SYNE2: variants seen among roughly 807,000 people sequenced by gnomAD.
SYNE2 encodes nesprin-2.
A neutral mutation model predicts 856.3 loss-of-function variants in SYNE2; 431 were observed. The observed-to-expected ratio is 0.50, with a 90% confidence interval of 0.47 to 0.55. The LOEUF is 0.55. Among genes scored for constraint, SYNE2 ranks in the 20% least tolerant of loss-of-function variants. The pLI is 0.00. For missense variants in SYNE2, 8,129 were observed against 8,023.2 expected, an observed-to-expected ratio of 1.01 and a Z score of -0.50; for synonymous variants, 2,923 against 2,872.3, an observed-to-expected ratio of 1.02 and a Z score of -0.56.
At chr14:64,221,232 G>T (rs911371473) in intron 111 of SYNE2, among the ~76,000 whole-genome samples, 1 of 152,140 alleles carries the variant, frequency 6.6e-6, no homozygotes, top group African/African-American at 2.4e-5. Flanking sequence ...AGCCTGTCCT[G>T]TTGGGTTGTT....
At chr14:64,111,276 A>T (rs545295432) in intron 65 of SYNE2, among the ~76,000 whole-genome samples, 46 of 146,706 alleles carry the variant, frequency 3.1e-4, no homozygotes, top group Admixed American at 9.3e-4. Flanking sequence ...GCAGGTGGTA[A>T]ATCTGTGATT....
At chr14:64,127,262 A>G (rs925548510) in intron 73 of SYNE2, among the ~76,000 whole-genome samples, 2 of 149,158 alleles carry the variant, frequency 1.3e-5, no homozygotes, top group Non-Finnish European at 3.0e-5. Context: ...CTCCATCTCA[A>G]AAAAAAAAAG....
At chr14:64,173,716 G>A (rs888953484) in intron 94 of SYNE2, among the ~76,000 whole-genome samples, 14 of 151,874 alleles carry the variant, frequency 9.2e-5, no homozygotes, top group African/African-American at 3.1e-4. Flanking sequence ...AGGCTACCTC[G>A]GCCACCCGAG....
At chr14:64,036,295 T>A (rs1392680364) in intron 45 of SYNE2, among the ~76,000 whole-genome samples, 1 of 152,096 alleles carries the variant, frequency 6.6e-6, no homozygotes, top group Non-Finnish European at 1.5e-5. Flanking sequence ...TCTTTTTGTT[T>A]GTTTGTTTGG....
intron 45 of SYNE2, among the ~76,000 whole-genome samples, chr14:64,042,941 C>A (rs140386034): frequency 6.6e-6 from 1 of 152,086 alleles, no homozygotes; most frequent in African/African-American, 2.4e-5. Flanking sequence ...CAGAAGAAGA[C>A]AGGAAAATGT....
Position 64,120,975 on chromosome 14 carries a change from C to T in SYNE2, c.13072C>T (p.Leu4358Phe), listed in dbSNP as rs1292902897. The T allele has an allele frequency of 6.2e-7, 1 of 1,614,172 alleles. No homozygotes were observed. Among genetic ancestry groups the T allele is most frequent in the Non-Finnish European group, 8.5e-7 (1 of 1,180,016 alleles). The change falls in exon 68 of 116, where the codon CTC becomes TTC. Residue 4358 changes from leucine to phenylalanine, a missense_variant. Around this residue, in one of 3 missense-constraint regions of SYNE2, gnomAD observed 5,410 missense variants for 5,284.8 expected, o/e 1.02. Transcript: ENST00000555002. The stretch of plus-strand genomic sequence containing the variant: ...CTCAGAGCCAGAGCATCAAGAAGCT[C>T]TCCAACCAGTTAACCTTTCTGAATT... ...KSSEPEHQEALQPVNLSELES... is the reference protein window; with the variant it reads ...KSSEPEHQEAFQPVNLSELES...
chr14:63,838,094 G>A (rs1889921584), intron 1 of SYNE2, among the ~76,000 whole-genome samples: 2 of 151,730 alleles, frequency 1.3e-5, no homozygotes, highest in Admixed American at 1.3e-4. Context: ...TAAGGGCTGG[G>A]CACAGTGGCT....
intron 65 of SYNE2, 142 bp from the exon 66 acceptor site, chr14:64,113,199 A>G (rs1453108905): frequency 6.6e-7 from 1 of 1,512,284 alleles, no homozygotes; most frequent in African/African-American, 1.4e-5. Flanking sequence ...ATGAGTGTGG[A>G]GGTGCATTTC....
At chr14:64,138,038 G>C in intron 79 of SYNE2, 55 bp downstream of exon 79, 1 of 1,566,176 alleles carries the variant, frequency 6.4e-7, no homozygotes, top group Non-Finnish European at 8.7e-7. Context: ...GAAAGACCTC[G>C]GGGATTCTGT....
intron 28 of SYNE2, 71 bp downstream of exon 28, chr14:64,000,790 G>T (rs2096748096): frequency 7.3e-7 from 1 of 1,373,518 alleles, no homozygotes; most frequent in Non-Finnish European, 1.0e-6. Context: ...TTTTAAGCAA[G>T]ATTCTTGCTA....
rs376249456 is a variant in SYNE2, at chr14:64,001,940, A to C, written c.3645A>C (p.Glu1215Asp). 5.6e-6 allele frequency: 9 copies of C among 1,613,934 alleles called. No homozygotes were observed. Among genetic ancestry groups the C allele is most frequent in the Non-Finnish European group, 6.8e-6 (8 of 1,180,000 alleles). ...ELQMTLNTRM[E>D]SLETALRLVL... ...TGATTTACCTTGCACCCAGAATGGAATCTTTAGAGACAGCACTGCGGCTTG... is the reference window on the plus strand; with the variant it reads ...TGATTTACCTTGCACCCAGAATGGACTCTTTAGAGACAGCACTGCGGCTTG... Residue 1215 changes from glutamate to aspartate, a missense_variant, in exon 29 of 116, where the codon GAA becomes GAC. Around this residue, in one of 3 missense-constraint regions of SYNE2, gnomAD observed 2,422 missense variants for 2,357.4 expected, o/e 1.03. Coordinates refer to ENST00000555002, the MANE Select transcript of SYNE2 (RefSeq NM_182914.3).
At position 64,051,856 on chromosome 14, in the gene SYNE2, A is replaced by G. The variant is rs1244511134; in HGVS notation, c.7943A>G (p.His2648Arg). 6 of 1,613,980 alleles carry G rather than the reference A, an allele frequency of 3.7e-6. No individual in the cohort carries two copies. Among genetic ancestry groups the G allele is most frequent in the Non-Finnish European group, 5.1e-6 (6 of 1,180,042 alleles). The change falls in exon 48 of 116, where the codon CAT becomes CGT. Residue 2648 changes from histidine (H) to arginine (R), a missense_variant. Physicochemically the swap from His to Arg is conservative, Grantham distance 29. This residue lies in a region of SYNE2 where 5,410 missense variants were observed against 5,284.8 expected (regional missense o/e 1.02). Transcript: ENST00000555002. ...TEISLQQQQQ[H>R]LQLRLKSPEE... ...ATTTCTCTGCAACAGCAGCAGCAAC[A>G]TCTACAGTTAAGGCTGAAGTCTCCA...
chr14:64,087,365 G>T, intron 57 of SYNE2: 1 of 535,484 alleles, frequency 1.9e-6, no homozygotes. Context: ...TTACATGTAT[G>T]AAAGGGCTTA....
intron 2 of SYNE2, among the ~76,000 whole-genome samples, chr14:63,913,090 C>T (rs1188302186): frequency 4.6e-5 from 7 of 152,126 alleles, no homozygotes; most frequent in South Asian, 2.1e-4. Flanking sequence ...CACATCACTG[C>T]GCCTGGCTAA....
chr14:63,827,065 G>T (rs529234320), intron 1 of SYNE2, among the ~76,000 whole-genome samples: 1 of 151,760 alleles, frequency 6.6e-6, no homozygotes, highest in South Asian at 2.1e-4. Flanking sequence ...ATCACCTGAG[G>T]TTAGGAGTTT....
At chr14:64,122,817 A>G (rs1422126544) in intron 70 of SYNE2, among the ~76,000 whole-genome samples, 3 of 152,110 alleles carry the variant, frequency 2.0e-5, no homozygotes, top group Non-Finnish European at 4.4e-5. Flanking sequence ...TTTAAGAAAC[A>G]CTTGGCCAGG....
rs1188739076 is a variant in SYNE2 at position 64,211,695 on chromosome 14, T to A, written c.18724-266T>A. Among the ~76,000 whole-genome samples the A allele has an allele frequency of 2.0e-5, 3 of 152,276 alleles. No homozygotes were observed. In the South Asian group the frequency reaches 6.2e-4, roughly 32 times the overall value. ...TGCTTAAGGACCTCAGAGACCATAA[T>A]CAACATTCCCACTCTCTCCCCGACT... On this transcript the variant is annotated intron_variant, in intron 103 of 115. Coordinates refer to ENST00000555002, the MANE Select transcript of SYNE2 (RefSeq NM_182914.3).
Position 64,001,991 on chromosome 14 carries a change from T to C in SYNE2, c.3696T>C (p.Leu1232=). ...RLVLPVEKAS[L]LLCGSDLPLH... Reference sequence around the variant, plus strand: ...TGTTACCTGTAGAGAAGGCATCACTTCTTCTCTGTGGCTCGGACCTGCCTC... The same window carrying C: ...TGTTACCTGTAGAGAAGGCATCACTCCTTCTCTGTGGCTCGGACCTGCCTC... The change falls in exon 29 of 116, where the codon CTT becomes CTC. Residue 1232 remains leucine, a synonymous_variant. Coordinates refer to ENST00000555002, the MANE Select transcript of SYNE2 (RefSeq NM_182914.3). 6.2e-7 allele frequency: 1 copy of C among 1,613,762 alleles called. No individual in the cohort carries two copies. The highest frequency in any genetic ancestry group is 8.5e-7 in the Non-Finnish European group (1 of 1,179,722).
chr14:63,948,156 GACACACACATACAC>G (rs1449130669), intron 6 of SYNE2, among the ~76,000 whole-genome samples: 2 of 124,338 alleles, frequency 1.6e-5, no homozygotes, highest in African/African-American at 2.9e-5. Flanking sequence ...TACACACACA[GACACACACATACAC>G]ACACACACAC....
Sources: allele counts gnomAD v4.1 joint callset (sites outside exome capture counted in the v4.1 genomes callset), GRCh38; gene constraint gnomAD v4.1.1; regional missense constraint gnomAD v4.1.1; transcripts MANE v1.5; gene names NCBI Gene and HGNC (gene_info 2026-07-23, HGNC 2026-07-21).